COL12A1: variants seen among roughly 807,000 people sequenced by gnomAD.
COL12A1 encodes the protein collagen alpha-1(XII) chain.
A neutral mutation model predicts 349.7 loss-of-function variants in COL12A1; 114 were observed. The observed-to-expected ratio is 0.33, with a 90% confidence interval of 0.28 to 0.38. The LOEUF is 0.38. Ranked by LOEUF, COL12A1 falls within the 10% of genes least tolerant of loss-of-function variation. The pLI, the probability that COL12A1 is intolerant of heterozygous loss-of-function variation, is 1.00. For synonymous variants in COL12A1, 1,369 were observed against 1,329.0 expected, an observed-to-expected ratio of 1.03 and a Z score of -0.66; for missense variants, 3,284 against 3,756.9, an observed-to-expected ratio of 0.87 and a Z score of 3.29.
intron 34 of COL12A1, among the ~76,000 whole-genome samples, 189 bp downstream of exon 34, chr6:75,133,104 C>T (rs1479511584): frequency 6.6e-6 from 1 of 152,102 alleles, no homozygotes; most frequent in Non-Finnish European, 1.5e-5. Flanking sequence ...AAAGAAGATG[C>T]CATTATAAAT....
intron 51 of COL12A1, 97 bp from the exon 52 acceptor site, chr6:75,109,264 C>G: frequency 1.3e-6 from 1 of 798,362 alleles, no homozygotes; most frequent in South Asian, 2.2e-5. Flanking sequence ...GTTTTTTAAG[C>G]TATTCTCATC....
chr6:75,191,715 T>C lies in COL12A1; in HGVS notation c.380A>G (p.Lys127Arg), dbSNP rs760418421. The stretch of plus-strand genomic sequence containing the variant: ...GAAACACTCACTTTGTATCTCGGTT[T>C]TTCCAGGTTTCTTCTCCACTGGCTT... ...STKPVEKKPG[K>R]TEIQKCSVSA... Residue 127 changes from lysine (K) to arginine (R), a missense_variant, in exon 5 of 66, where the codon AAA (lysine) becomes AGA (arginine). This residue lies in a region of COL12A1 where 2,601 missense variants were observed against 2,824.8 expected (regional missense o/e 0.92). Coordinates refer to ENST00000322507, the MANE Select transcript of COL12A1 (RefSeq NM_004370.6). 1.3e-6 allele frequency: 2 copies of C among 1,597,354 alleles called. No homozygotes were observed. Among genetic ancestry groups the C allele is most frequent in the Non-Finnish European group, 1.7e-6 (2 of 1,171,786 alleles).
rs1322232456 is a variant in COL12A1 at position 75,113,628 on chromosome 6, T to G, written c.7814A>C (p.Lys2605Thr). 1 of 1,609,640 alleles carries G rather than the reference T, an allele frequency of 6.2e-7. No homozygotes were observed. The highest frequency in any genetic ancestry group is 2.2e-5 in the East Asian group (1 of 44,766). ...ATCTGCAATCACTCCAACTTGTGGT[T>G]TGTAGTCTCTGTCTGTGATTTGCCA... ...AIWQITDRDYKPQVGVIADPS... is the reference protein window; with the variant it reads ...AIWQITDRDYTPQVGVIADPS... The change falls in exon 50 of 66, where the codon AAA becomes ACA. Residue 2605 changes from lysine (K) to threonine (T), a missense_variant. Lys to Thr is a moderately conservative substitution (Grantham distance 78). Around this residue, in one of 2 missense-constraint regions of COL12A1, gnomAD observed 683 missense variants for 932.1 expected, o/e 0.73. Transcript: ENST00000322507.
chr6:75,114,514 G>A (rs1237808193), intron 49 of COL12A1, among the ~76,000 whole-genome samples: 1 of 151,896 alleles, frequency 6.6e-6, no homozygotes, highest in Non-Finnish European at 1.5e-5. Flanking sequence ...TGGAATTGAT[G>A]GTTTTCTATC....
At chr6:75,119,546 A>G (rs1377438145) in intron 44 of COL12A1, 73 bp from the exon 45 acceptor site, 20 of 1,528,484 alleles carry the variant, frequency 1.3e-5, no homozygotes, top group Non-Finnish European at 1.8e-5. Flanking sequence ...ATGATTCTCT[A>G]GCTGCGGAAT....
At chr6:75,171,536 G>A (rs1343829834) in intron 13 of COL12A1, among the ~76,000 whole-genome samples, 1 of 152,180 alleles carries the variant, frequency 6.6e-6, no homozygotes, top group Non-Finnish European at 1.5e-5. Flanking sequence ...TGCATTTGAG[G>A]TAATCTATAA....
Position 75,177,869 on chromosome 6 carries a change from G to T in COL12A1, c.2231C>A (p.Thr744Asn), listed in dbSNP as rs1271524523. The T allele has an allele frequency of 6.2e-7, 1 of 1,613,786 alleles. No individual in the cohort carries two copies. The highest frequency in any genetic ancestry group is 2.2e-5 in the East Asian group (1 of 44,880). The change falls in exon 12 of 66, where the codon ACT becomes AAT. Residue 744 changes from threonine to asparagine, a missense_variant. Transcript: ENST00000322507. ...ETTDSFKITW[T>N]QAPGRVLRYR... ...TCTTAAAACTCTCCCTGGAGCTTGA[G>T]TCCAAGTAATTTTGAAACTATCTGT...
At chr6:75,186,201 T>G (rs894115926) in intron 8 of COL12A1, among the ~76,000 whole-genome samples, 8 of 151,746 alleles carry the variant, frequency 5.3e-5, no homozygotes, top group African/African-American at 1.7e-4. Flanking sequence ...TGGGAGAAAA[T>G]TTTTGCAAAC....
chr6:75,135,806 G>A (rs1333689236), intron 31 of COL12A1, among the ~76,000 whole-genome samples: 1 of 152,170 alleles, frequency 6.6e-6, no homozygotes, highest in Admixed American at 6.5e-5. Context: ...TTGAGGTTAT[G>A]AGAGAAAAGT....
At position 75,085,502 on chromosome 6, in the gene COL12A1, C is replaced by T. The variant is rs1364516364; in HGVS notation, c.*1045G>A. ...ACTATAAATAGATAAGTTACAATGT[C>T]CCAATTATTTCCAGATAATTTGGTG... is the stretch of plus-strand genomic sequence containing the variant. On this transcript the variant is annotated 3_prime_UTR_variant, in exon 66 of 66. Transcript: ENST00000322507. The T allele has an allele frequency of 3.2e-6, 1 of 310,602 alleles. No homozygotes were observed. Among genetic ancestry groups the T allele is most frequent in the African/African-American group, 2.2e-5 (1 of 46,052 alleles). The allele number at this position is 310,602 out of a possible 1,614,324, so 19.2% of individuals were successfully genotyped here. A position where few individuals can be genotyped will look rare whatever the true frequency, so the allele number is the denominator to read the frequency against.
At chr6:75,101,963 A>G in intron 57 of COL12A1, 36 bp downstream of exon 57, 1 of 1,606,694 alleles carries the variant, frequency 6.2e-7, no homozygotes, top group Non-Finnish European at 8.5e-7. Flanking sequence ...AAATTTTCAA[A>G]TAGCACATGA....
Position 75,113,584 on chromosome 6 carries a change from T to G in COL12A1, c.7840+18A>C. 1 of 1,596,368 alleles carries G rather than the reference T, an allele frequency of 6.3e-7. No homozygotes were observed. Among genetic ancestry groups the G allele is most frequent in the Non-Finnish European group, 8.5e-7 (1 of 1,170,146 alleles). ...ATCAAAACTAAGTATGCATGTGCCT[T>G]AAGATAAAAATTCTTACGATCTGCA... On this transcript the variant is annotated intron_variant, in intron 50 of 65. Transcript: ENST00000322507.
Position 75,132,024 on chromosome 6 carries a change from A to T in COL12A1, c.5853T>A (p.Asp1951Glu), listed in dbSNP as rs372079423. 6.2e-7 allele frequency: 1 copy of T among 1,614,076 alleles called. No individual in the cohort carries two copies. The highest frequency in any genetic ancestry group is 1.3e-5 in the African/African-American group (1 of 74,936). ...GTCCTGGAGCAGGGTCCCAGCGAAC[A>T]TCGAGGCTGTTAGGTGTAGGATTGT... ...QVYNPTPNSL[D>E]VRWDPAPGPV... is the part of the protein sequence containing the mutation. Residue 1951 changes from aspartate (D) to glutamate (E), a missense_variant, in exon 35 of 66, where the codon GAT (aspartate) becomes GAA (glutamate). Asp to Glu is a conservative substitution (Grantham distance 45). This residue lies in a region of COL12A1 where 2,601 missense variants were observed against 2,824.8 expected (regional missense o/e 0.92). Coordinates refer to ENST00000322507, the MANE Select transcript of COL12A1 (RefSeq NM_004370.6).
rs1769386908 is a variant in COL12A1 at position 75,182,902 on chromosome 6, G to A, written c.1891+148C>T. The A allele has an allele frequency of 3.0e-6, 3 of 1,010,274 alleles. No individual in the cohort carries two copies. In the Admixed American group the frequency reaches 7.6e-5, roughly 26 times the overall value. 62.6% of individuals were successfully genotyped at this position (1,010,274 alleles called of 1,614,324 possible). The stretch of plus-strand genomic sequence containing the variant: ...GGAGAAAGTCATATCTCAGAGCTAA[G>A]AAAACTAAGTTCAATAGTTTTCAAT... On this transcript the variant is annotated intron_variant, in intron 10 of 65. Coordinates refer to ENST00000322507, the MANE Select transcript of COL12A1 (RefSeq NM_004370.6).
chr6:75,143,936 T>C (rs2149403612), intron 25 of COL12A1, among the ~76,000 whole-genome samples: 1 of 152,274 alleles, frequency 6.6e-6, no homozygotes, highest in Admixed American at 6.5e-5. Flanking sequence ...AACTTTCCAT[T>C]ATAAAAGGGG....
intron 1 of COL12A1, 57 bp from the exon 2 acceptor site, chr6:75,202,884 G>T (rs1039659821): frequency 1.4e-5 from 17 of 1,196,392 alleles, no homozygotes; most frequent in African/African-American, 3.0e-5. Flanking sequence ...CTTGAACCAG[G>T]TTAGAACTGG....
chr6:75,178,207 A>C (rs1009907993), intron 11 of COL12A1, among the ~76,000 whole-genome samples: 2 of 152,208 alleles, frequency 1.3e-5, no homozygotes, highest in Admixed American at 6.5e-5. Context: ...TAAACTTTTA[A>C]AATAATAAAT....
rs240728 is a variant in COL12A1, at chr6:75,134,263, C to G, written c.5525-266G>C. On this transcript the variant is annotated intron_variant, in intron 32 of 65. Transcript: ENST00000322507. ...ACAAACAGAGACAAGTAATTCCAAG[C>G]AAGGATGTTAAAAACGATCAATATG... 0.018 allele frequency among the ~76,000 whole-genome samples: 2,679 copies of G among 152,096 alleles called. 73 individuals are homozygous for G. Among genetic ancestry groups the G allele is most frequent in the African/African-American group, 0.059 (2,448 of 41,476 alleles).
intron 64 of COL12A1, 21 bp from the exon 65 acceptor site, chr6:75,087,768 A>G (rs777215475): frequency 1.2e-6 from 2 of 1,601,218 alleles, no homozygotes; most frequent in East Asian, 4.5e-5. Flanking sequence ...GTTAAAACAA[A>G]TATATTTCCC....
Sources: allele counts gnomAD v4.1 joint callset (sites outside exome capture counted in the v4.1 genomes callset), GRCh38; gene constraint gnomAD v4.1.1; regional missense constraint gnomAD v4.1.1; transcripts MANE v1.5; gene names NCBI Gene and HGNC (gene_info 2026-07-23, HGNC 2026-07-21).